Variants in ZNF599 observed in about 807,000 individuals in gnomAD.
The protein encoded by ZNF599 is zinc finger protein 599.
Under a neutral mutation model 11.7 loss-of-function variants are expected in ZNF599, and 10 were observed. That is an observed-to-expected ratio of 0.86 (90% CI 0.53 to 1.45). The LOEUF is 1.45. ZNF599 is among the 40% of genes most tolerant of loss of function. ZNF599 has a pLI of 0.00. For missense variants in ZNF599, 688 were observed against 713.6 expected, an observed-to-expected ratio of 0.96 and a Z score of 0.41; for synonymous variants, 232 against 253.2, an observed-to-expected ratio of 0.92 and a Z score of 0.79.
chr19:34,779,832 CTG>C, the ZNF599 span: 1 of 175,434 alleles, frequency 5.7e-6, no homozygotes, highest in African/African-American at 2.4e-5. Context: ...TGCTAAACAA[CTG>C]TGAAATTGTG....
the ZNF599 span, among the ~76,000 whole-genome samples, chr19:34,800,599 T>TC: frequency 6.9e-6 from 1 of 145,346 alleles, no homozygotes; most frequent in Admixed American, 6.8e-5. Context: ...TTTTTTTTTT[T>TC]TTTTTTCTTT....
the ZNF599 span, among the ~76,000 whole-genome samples, chr19:34,778,546 G>A: frequency 1.3e-5 from 2 of 152,158 alleles, no homozygotes; most frequent in Admixed American, 1.3e-4. Context: ...CATTGCCAAA[G>A]TGAGAATATT....
chr19:34,768,102 C>T lies in ZNF599; in HGVS notation c.146-691G>A, dbSNP rs140567428. Among the ~76,000 whole-genome samples, 208 of 152,310 alleles carry T rather than the reference C, an allele frequency of 1.4e-3. 1 individual carries two copies. The highest frequency in any genetic ancestry group is 4.7e-3 in the African/African-American group (197 of 41,574). On this transcript the variant is annotated intron_variant, in intron 2 of 3. Transcript: ENST00000329285. Reference sequence around the variant, plus strand: ...TCAACTGGAAAATCTTGTCCTGGCACGCATCCAGCTGTCACTTAGCAAATG... The same window carrying T: ...TCAACTGGAAAATCTTGTCCTGGCATGCATCCAGCTGTCACTTAGCAAATG...
chr19:34,772,850 G>T lies in ZNF599; in HGVS notation c.-9C>A. ...AACGCCGGCGCCGCCATGGGCCCAG[G>T]GGGCTGGGTGAGGCCGTGAGAGTCG... On this transcript the variant is annotated 5_prime_UTR_variant, in exon 1 of 4. Coordinates refer to ENST00000329285, the MANE Select transcript of ZNF599 (RefSeq NM_001007248.3). 6.7e-7 allele frequency: 1 copy of T among 1,497,232 alleles called. No individual in the cohort carries two copies. Among genetic ancestry groups the T allele is most frequent in the Non-Finnish European group, 8.9e-7 (1 of 1,127,916 alleles). 92.7% of individuals were successfully genotyped at this position (1,497,232 alleles called of 1,614,324 possible). A position where few individuals can be genotyped will look rare whatever the true frequency, so the allele number is the denominator to read the frequency against.
At chr19:34,783,970 G>A in the ZNF599 span, among the ~76,000 whole-genome samples, 2 of 152,344 alleles carry the variant, frequency 1.3e-5, no homozygotes, top group Admixed American at 6.5e-5. Context: ...GGCATGCAAA[G>A]AGTGCTTGGC....
rs779553320 is a variant in ZNF599, at chr19:34,759,978, G to A, written c.823C>T (p.Arg275Cys). The stretch of plus-strand genomic sequence containing the variant: ...TAGGGCTTATCTCCGGTGTGAATAC[G>A]CTGGTGCTCCGTGAGGTGAAACCTG... ...KRRFHLTEHQ[R>C]IHTGDKPYEC... is the part of the protein sequence containing the mutation. Residue 275 changes from arginine (R) to cysteine (C), a missense_variant, in exon 4 of 4, where the codon CGT becomes TGT. Transcript: ENST00000329285. The A allele has an allele frequency of 2.3e-5, 37 of 1,613,986 alleles. No homozygotes were observed. Among genetic ancestry groups the A allele is most frequent in the Middle Eastern group, 1.6e-4 (1 of 6,084 alleles).
At chr19:34,761,986 C>A (rs1266369795) in intron 3 of ZNF599, among the ~76,000 whole-genome samples, 1 of 151,984 alleles carries the variant, frequency 6.6e-6, no homozygotes, top group African/African-American at 2.4e-5. Flanking sequence ...AGATAGCAAA[C>A]TATAGACCTA....
the ZNF599 span, among the ~76,000 whole-genome samples, chr19:34,800,576 C>A: frequency 7.6e-6 from 1 of 131,436 alleles, no homozygotes; most frequent in East Asian, 2.1e-4. Flanking sequence ...TTATTTCTAG[C>A]ATTTCCTTTG....
At chr19:34,763,671 A>G (rs1389596791) in intron 3 of ZNF599, 2 of 152,220 alleles carry the variant, frequency 1.3e-5, no homozygotes, top group East Asian at 3.8e-4. Context: ...AGTCTATAGT[A>G]TTTTATTACA....
intron 1 of ZNF599, 103 bp downstream of exon 1, chr19:34,772,721 C>CA (rs1163429229): frequency 2.6e-6 from 4 of 1,525,804 alleles, no homozygotes; most frequent in Non-Finnish European, 2.6e-6. Flanking sequence ...CCTAGGGCAT[C>CA]AAAAGGGAGA....
chr19:34,767,439 G>A (rs776405236), intron 2 of ZNF599, 28 bp from the exon 3 acceptor site: 1 of 1,567,928 alleles, frequency 6.4e-7, no homozygotes, highest in Non-Finnish European at 8.8e-7. Flanking sequence ...AATGGAGTAT[G>A]GTGTACAGGG....
Position 34,772,937 on chromosome 19 carries a change from C to T in ZNF599, c.-96G>A. 1 of 1,322,712 alleles carries T rather than the reference C, an allele frequency of 7.6e-7. No individual in the cohort carries two copies. The highest frequency in any genetic ancestry group is 9.8e-7 in the Non-Finnish European group (1 of 1,019,218). 81.9% of individuals were successfully genotyped at this position (1,322,712 alleles called of 1,614,324 possible). On this transcript the variant is annotated 5_prime_UTR_variant, in exon 1 of 4. Coordinates refer to ENST00000329285, the MANE Select transcript of ZNF599 (RefSeq NM_001007248.3). ...GGCTCCGGCTCTGGGCTGCGAGGGA[C>T]CTCAGTCCCCGCCGTCGTGTAAAAT...
At chr19:34,782,815 C>T in the ZNF599 span, among the ~76,000 whole-genome samples, 3 of 152,178 alleles carry the variant, frequency 2.0e-5, no homozygotes, top group African/African-American at 7.2e-5. Context: ...CGTCAAACAG[C>T]CCCCACCTGC....
At chr19:34,771,394 A>G (rs1435220155) in intron 1 of ZNF599, among the ~76,000 whole-genome samples, 3 of 152,220 alleles carry the variant, frequency 2.0e-5, no homozygotes, top group African/African-American at 7.2e-5. Context: ...AAAGAATTTT[A>G]CTCTGAGAAG....
At position 34,759,410 on chromosome 19, in the gene ZNF599, G is replaced by A. The variant is rs371238730; in HGVS notation, c.1391C>T (p.Ser464Phe). ...GGTCCTATTATGTCGAATAAAAACAGAGTGGTGTGTAAAAGCCTTTCCACA... is the reference window on the plus strand; with the variant it reads ...GGTCCTATTATGTCGAATAAAAACAAAGTGGTGTGTAAAAGCCTTTCCACA... ...SECGKAFTHH[S>F]VFIRHNRTHS... The change falls in exon 4 of 4, where the codon TCT becomes TTT. Residue 464 changes from serine (S) to phenylalanine (F), a missense_variant. Physicochemically the swap from Ser to Phe is radical, Grantham distance 155. Coordinates refer to ENST00000329285, the MANE Select transcript of ZNF599 (RefSeq NM_001007248.3). 1.9e-5 allele frequency: 31 copies of A among 1,614,006 alleles called. No homozygotes were observed. The highest frequency in any genetic ancestry group is 2.4e-5 in the Non-Finnish European group (28 of 1,179,984).
At chr19:34,768,244 C>T (rs1228071339) in intron 2 of ZNF599, among the ~76,000 whole-genome samples, 1 of 152,206 alleles carries the variant, frequency 6.6e-6, no homozygotes, top group Non-Finnish European at 1.5e-5. Context: ...GGCCTGCCTT[C>T]ATCTCTGTTA....
chr19:34,804,468 T>G, the ZNF599 span, among the ~76,000 whole-genome samples: 2 of 152,316 alleles, frequency 1.3e-5, no homozygotes, highest in East Asian at 3.9e-4. Context: ...CTCCCCTTCT[T>G]GGCCAGCTGA....
chr19:34,782,546 G>T, the ZNF599 span, among the ~76,000 whole-genome samples: 1 of 152,232 alleles, frequency 6.6e-6, no homozygotes, highest in African/African-American at 2.4e-5. Flanking sequence ...AGGCCTTGGG[G>T]TGGCAGTTGC....
chr19:34,773,015 C>T lies in ZNF599; in HGVS notation c.-174G>A. ...GCGCGCCGTGAGGACACAGGGCTGT[C>T]GCCAAGGCCCCAGGAAGGGTTTTGC... On this transcript the variant is annotated 5_prime_UTR_variant, in exon 1 of 4. Transcript: ENST00000329285. The T allele has an allele frequency of 4.1e-6, 3 of 724,018 alleles. No homozygotes were observed. Among genetic ancestry groups the T allele is most frequent in the Non-Finnish European group, 6.3e-6 (3 of 475,004 alleles). The allele number at this position is 724,018 out of a possible 1,614,324, so 44.8% of individuals were successfully genotyped here.
Sources: allele counts gnomAD v4.1 joint callset (sites outside exome capture counted in the v4.1 genomes callset), GRCh38; gene constraint gnomAD v4.1.1; transcripts MANE v1.5; gene names NCBI Gene and HGNC (gene_info 2026-07-23, HGNC 2026-07-21).